The following SYNE2 variants were observed in gnomAD, a reference collection of about 807,000 sequenced individuals.
SYNE2 encodes nesprin-2.
A neutral mutation model predicts 856.3 loss-of-function variants in SYNE2; 431 were observed. That is an observed-to-expected ratio of 0.50 (90% CI 0.47 to 0.55). The LOEUF is 0.55. SYNE2 is among the 20% of genes least tolerant of loss of function. The pLI is 0.00. For synonymous variants in SYNE2, 2,923 were observed against 2,872.3 expected (o/e 1.02, Z -0.56); for missense variants, 8,129 against 8,023.2 (o/e 1.01, Z -0.50).
At chr14:64,162,414 C>T in intron 88 of SYNE2, 138 bp downstream of exon 88, 4 of 909,960 alleles carry the variant, frequency 4.4e-6, no homozygotes, top group Non-Finnish European at 7.0e-6. Context: ...CCATGTAGGA[C>T]ATAGGCAAGG....
chr14:63,762,110 A>G, intron 1 of SYNE2: 1 of 459,782 alleles, frequency 2.2e-6, no homozygotes. Flanking sequence ...GAAAAATATG[A>G]TCCTACGATA....
intron 1 of SYNE2, among the ~76,000 whole-genome samples, chr14:63,785,279 C>G (rs1157710105): frequency 6.6e-6 from 1 of 151,884 alleles, no homozygotes; most frequent in Non-Finnish European, 1.5e-5. Context: ...AGAAACATGG[C>G]AAAACCCCGT....
At chr14:64,205,357 G>A (rs2098600192) in intron 100 of SYNE2, among the ~76,000 whole-genome samples, 1 of 151,996 alleles carries the variant, frequency 6.6e-6, no homozygotes, top group South Asian at 2.1e-4. Flanking sequence ...CCAAAACACT[G>A]GAAACAAATG....
chr14:63,969,040 C>G (rs1372623235), intron 11 of SYNE2, among the ~76,000 whole-genome samples: 1 of 152,104 alleles, frequency 6.6e-6, no homozygotes, highest in African/African-American at 2.4e-5. Flanking sequence ...ATGAGTTAAA[C>G]TGTTTTGATT....
intron 1 of SYNE2, among the ~76,000 whole-genome samples, chr14:63,808,019 C>A (rs1471209548): frequency 8.3e-6 from 1 of 120,968 alleles, no homozygotes; most frequent in Non-Finnish European, 1.7e-5. Flanking sequence ...CCCTCCCACC[C>A]TTCCTCCTAG....
intron 45 of SYNE2, among the ~76,000 whole-genome samples, chr14:64,033,425 T>G (rs1403053011): frequency 2.0e-5 from 3 of 151,944 alleles, no homozygotes; most frequent in Non-Finnish European, 4.4e-5. Context: ...ACAGCTGTAA[T>G]CTCAGCACGT....
rs373557670 is a variant in SYNE2, at chr14:64,053,202, T to A, written c.9289T>A (p.Leu3097Ile). 5.0e-6 allele frequency: 8 copies of A among 1,613,758 alleles called. No homozygotes were observed. In the African/African-American group the frequency reaches 9.3e-5, roughly 19 times the overall value. ...TCAGAGAATTGAGAAAGCCAAGTGT[T>A]TATGTGATGAGATAATAAAGAAATT... The part of the protein sequence containing the change: ...LSQRIEKAKC[L>I]CDEIIKKLNE... The change falls in exon 48 of 116, where the codon TTA becomes ATA. Residue 3097 changes from leucine to isoleucine, a missense_variant. This residue lies in a region of SYNE2 where 5,410 missense variants were observed against 5,284.8 expected (regional missense o/e 1.02). Coordinates refer to ENST00000555002, the MANE Select transcript of SYNE2 (RefSeq NM_182914.3).
chr14:64,102,931 A>G (rs1567306440), intron 64 of SYNE2, among the ~76,000 whole-genome samples: 2 of 152,054 alleles, frequency 1.3e-5, no homozygotes, highest in East Asian at 3.9e-4. Flanking sequence ...GGCTTATTTC[A>G]TTTAACATAA....
chr14:63,892,967 C>T (rs1014986041), intron 1 of SYNE2, among the ~76,000 whole-genome samples: 1 of 151,800 alleles, frequency 6.6e-6, no homozygotes, highest in South Asian at 2.1e-4. Flanking sequence ...TATTATATGT[C>T]AGTCAAGAGT....
At chr14:63,854,265 T>C (rs1891188501) in intron 1 of SYNE2, among the ~76,000 whole-genome samples, 1 of 151,930 alleles carries the variant, frequency 6.6e-6, no homozygotes, top group Non-Finnish European at 1.5e-5. Context: ...TATGCTAGGA[T>C]GGGTTCGATC....
At chr14:63,978,727 A>G in intron 13 of SYNE2, 125 bp from the exon 14 acceptor site, 1 of 712,660 alleles carries the variant, frequency 1.4e-6, no homozygotes, top group South Asian at 1.8e-5. Context: ...AGACAATGAT[A>G]CATCTGAGTT....
In SYNE2 at chr14:64,049,691, T is replaced by G; in HGVS notation, c.7458T>G (p.Thr2486=). 6.2e-7 allele frequency: 1 copy of G among 1,614,100 alleles called. No homozygotes were observed. The highest frequency in any genetic ancestry group is 8.5e-7 in the Non-Finnish European group (1 of 1,180,012). The change falls in exon 47 of 116, where the codon ACT becomes ACG. Residue 2486 remains threonine (T), a synonymous_variant. Coordinates refer to ENST00000555002, the MANE Select transcript of SYNE2 (RefSeq NM_182914.3). ...CAGAATGTCTTAACAAAACAGAAAC[T>G]GGGGCCTTGGTTCTCCACAATATAG... is the stretch of plus-strand genomic sequence containing the variant. The part of the protein sequence containing the change: ...EQTECLNKTE[T]GALVLHNIGY...
At position 64,225,725 on chromosome 14, in the gene SYNE2, T is replaced by G; in HGVS notation, c.*199T>G. 1 of 643,464 alleles carries G rather than the reference T, an allele frequency of 1.6e-6. No homozygotes were observed. Among genetic ancestry groups the G allele is most frequent in the Non-Finnish European group, 2.8e-6 (1 of 362,174 alleles). 39.9% of individuals were successfully genotyped at this position (643,464 alleles called of 1,614,324 possible). On this transcript the variant is annotated 3_prime_UTR_variant, in exon 116 of 116. Coordinates refer to ENST00000555002, the MANE Select transcript of SYNE2 (RefSeq NM_182914.3). ...TGTTCCTCCCCAGGAGCAGGGAACC[T>G]GTGTGGCAGGTGCCCCGGGTATTTT...
intron 1 of SYNE2, among the ~76,000 whole-genome samples, chr14:63,829,605 T>A (rs1221437283): frequency 6.6e-6 from 1 of 152,116 alleles, no homozygotes; most frequent in Non-Finnish European, 1.5e-5. Context: ...TATTTTTACT[T>A]TATTAACATT....
intron 1 of SYNE2, among the ~76,000 whole-genome samples, chr14:63,804,388 T>C (rs919172411): frequency 3.3e-5 from 5 of 152,214 alleles, no homozygotes; most frequent in Non-Finnish European, 7.3e-5. Context: ...ATTTGTCAAT[T>C]TCTGTTTCTA....
intron 57 of SYNE2, among the ~76,000 whole-genome samples, chr14:64,086,607 T>C (rs1033946563): frequency 6.6e-6 from 1 of 151,960 alleles, no homozygotes; most frequent in Non-Finnish European, 1.5e-5. Flanking sequence ...ATCTCAACCA[T>C]AGTGACTATT....
intron 11 of SYNE2, among the ~76,000 whole-genome samples, chr14:63,975,653 T>C (rs2096536497): frequency 6.6e-6 from 1 of 152,202 alleles, no homozygotes; most frequent in Non-Finnish European, 1.5e-5. Flanking sequence ...ATTTTTAAGT[T>C]GTGTACCCTT....
At chr14:64,069,626 C>T (rs1019276251) in intron 51 of SYNE2, among the ~76,000 whole-genome samples, 8 of 152,162 alleles carry the variant, frequency 5.3e-5, no homozygotes, top group Admixed American at 3.9e-4. Context: ...TCCTAGACCC[C>T]AAAAGGTCCG....
At chr14:63,929,073 C>T (rs2095710185) in intron 2 of SYNE2, among the ~76,000 whole-genome samples, 1 of 152,010 alleles carries the variant, frequency 6.6e-6, no homozygotes, top group South Asian at 2.1e-4. Context: ...CTCCGAAAGC[C>T]CTTGGAATTT....
Sources: allele counts gnomAD v4.1 joint callset (sites outside exome capture counted in the v4.1 genomes callset), GRCh38; gene constraint gnomAD v4.1.1; regional missense constraint gnomAD v4.1.1; transcripts MANE v1.5; gene names NCBI Gene and HGNC (gene_info 2026-07-23, HGNC 2026-07-21).